The following CASTOR2 variants were observed in gnomAD, a reference collection of about 807,000 sequenced individuals.
The protein encoded by CASTOR2 is GATS protein like 2.
In CASTOR2, 8 loss-of-function variants were observed where a neutral mutation model predicts 31.2. That is an observed-to-expected ratio of 0.26 (90% CI 0.15 to 0.46). The LOEUF (loss-of-function observed/expected upper bound fraction) is 0.46. CASTOR2 is among the 20% of genes least tolerant of loss of function. CASTOR2 has a pLI of 0.99. For missense variants in CASTOR2, 216 were observed against 382.1 expected, an observed-to-expected ratio of 0.57 and a Z score of 3.62; for synonymous variants, 162 against 158.7, an observed-to-expected ratio of 1.02 and a Z score of -0.16.
At chr7:75,021,978 T>A in intron 7 of CASTOR2, 22 bp downstream of exon 7, 1 of 1,551,356 alleles carries the variant, frequency 6.4e-7, no homozygotes, top group Non-Finnish European at 8.7e-7. Flanking sequence ...GGGGATTACA[T>A]GGGGAATTGA....
In CASTOR2 at chr7:75,020,063, G is replaced by C. The variant is rs1030167262; in HGVS notation, c.660G>C (p.Gly220=). ...SNGVKDPMAT[G]DDCGHIRFFS... ...GAGTGAAGGACCCCATGGCCACTGG[G>C]GATGACTGCGGCCACATCCGCTTCT... The change falls in exon 6 of 9, where the codon GGG becomes GGC. Residue 220 remains glycine, a synonymous_variant. Transcript: ENST00000616305. The C allele has an allele frequency of 1.3e-4, 201 of 1,551,442 alleles. No homozygotes were observed. Among genetic ancestry groups the C allele is most frequent in the Middle Eastern group, 5.1e-4 (3 of 5,936 alleles).
chr7:74,989,654 G>A (rs1804158368), intron 1 of CASTOR2, among the ~76,000 whole-genome samples: 1 of 150,092 alleles, frequency 6.7e-6, no homozygotes, highest in South Asian at 2.1e-4. Context: ...GACTTCAAGC[G>A]ATCCTCCCAC....
intron 1 of CASTOR2, among the ~76,000 whole-genome samples, chr7:74,991,817 A>G (rs1804218566): frequency 6.6e-6 from 1 of 152,090 alleles, no homozygotes; most frequent in Admixed American, 6.6e-5. Context: ...GGCTGGACAG[A>G]AACAGCCCAA....
chr7:75,030,156 G>A lies in CASTOR2; in HGVS notation c.*5457G>A, dbSNP rs1805260265. 6.6e-6 allele frequency among the ~76,000 whole-genome samples: 1 copy of A among 152,252 alleles called. No homozygotes were observed. The highest frequency in any genetic ancestry group is 2.1e-4 in the South Asian group (1 of 4,834). On this transcript the variant is annotated 3_prime_UTR_variant, in exon 9 of 9. Transcript: ENST00000616305. Reference sequence around the variant, plus strand: ...GGAAGAGGAGCTATGGAAATTGGAAGTGCAGGGTGGCCTGTGTGCTAGGAG... The same window carrying A: ...GGAAGAGGAGCTATGGAAATTGGAAATGCAGGGTGGCCTGTGTGCTAGGAG...
intron 1 of CASTOR2, among the ~76,000 whole-genome samples, chr7:74,989,263 CT>C (rs34799228): frequency 0.1 from 14,605 of 145,178 alleles, 2,110 homozygotes; most frequent in African/African-American, 0.33. Flanking sequence ...CACGCCTGGC[CT>C]TTTTTTTTTT....
At chr7:74,993,859 A>G (rs1272743749) in intron 1 of CASTOR2, among the ~76,000 whole-genome samples, 2 of 151,678 alleles carry the variant, frequency 1.3e-5, no homozygotes, top group African/African-American at 4.8e-5. Flanking sequence ...GCTGGTTCAT[A>G]AATCAGACAT....
Position 75,024,444 on chromosome 7 carries a change from G to A in CASTOR2, c.834G>A (p.Glu278=). The change falls in exon 8 of 9, where the codon GAG becomes GAA. Residue 278 remains glutamate (E), a synonymous_variant. Coordinates refer to ENST00000616305, the MANE Select transcript of CASTOR2 (RefSeq NM_001145064.3). The stretch of plus-strand genomic sequence containing the variant: ...GGACGGTCTCTCCTGTTCTAGATGA[G>A]TGTGGCATCGTGGCCCAGATCTCAG... The part of the protein sequence containing the change: ...RIGGQPLGFD[E]CGIVAQISEP... 2.6e-6 allele frequency: 4 copies of A among 1,551,544 alleles called. No individual in the cohort carries two copies. The highest frequency in any genetic ancestry group is 2.4e-5 in the East Asian group (1 of 40,924).
rs1803562570 is a variant in CASTOR2 at position 74,965,856 on chromosome 7, A to ACC, written c.113+759_113+760insCC. 1.4e-4 allele frequency among the ~76,000 whole-genome samples: 2 copies of ACC among 14,690 alleles called. 1 individual carries two copies. Among genetic ancestry groups the ACC allele is most frequent in the African/African-American group, 7.5e-4 (2 of 2,654 alleles). The allele number at this position is 14,690 out of a possible 152,430, so 9.6% of individuals were successfully genotyped here. ...TGGAAGGTAAAAGAGGGAATCACAC[A>ACC]CACACACACACACACACACACACAC... On this transcript the variant is annotated intron_variant, in intron 1 of 8. Coordinates refer to ENST00000616305, the MANE Select transcript of CASTOR2 (RefSeq NM_001145064.3).
chr7:75,002,085 T>C (rs1384696359), intron 1 of CASTOR2, among the ~76,000 whole-genome samples: 178 of 152,072 alleles, frequency 1.2e-3, no homozygotes, highest in African/African-American at 4.1e-3. Flanking sequence ...TATTTTATTT[T>C]ATTTTATTTT....
At chr7:74,988,306 T>G (rs1404788667) in intron 1 of CASTOR2, among the ~76,000 whole-genome samples, 1 of 151,694 alleles carries the variant, frequency 6.6e-6, no homozygotes, top group South Asian at 2.1e-4. Flanking sequence ...TTTATTTATT[T>G]ATTTATTTTG....
intron 1 of CASTOR2, 34 bp from the exon 2 acceptor site, chr7:75,007,960 T>C: frequency 6.2e-7 from 1 of 1,613,918 alleles, no homozygotes; most frequent in South Asian, 1.1e-5. Context: ...CTGCCTGGAC[T>C]AATGAGATAT....
At chr7:75,024,176 G>T (rs1183338520) in intron 7 of CASTOR2, among the ~76,000 whole-genome samples, 2 of 152,196 alleles carry the variant, frequency 1.3e-5, no homozygotes, top group Admixed American at 6.5e-5. Flanking sequence ...TATAATCCCA[G>T]CTATTTGGGA....
intron 1 of CASTOR2, among the ~76,000 whole-genome samples, chr7:74,974,238 G>T (rs1803745039): frequency 6.8e-6 from 1 of 146,506 alleles, no homozygotes; most frequent in Non-Finnish European, 1.5e-5. Context: ...AGAGTAAGTT[G>T]TCTGCAGGGA....
intron 1 of CASTOR2, among the ~76,000 whole-genome samples, chr7:74,994,607 G>A (rs1479098450): frequency 5.3e-5 from 8 of 152,180 alleles, no homozygotes; most frequent in Non-Finnish European, 8.8e-5. Flanking sequence ...AAAATTAGCC[G>A]GGCGTGGTGG....
At chr7:75,006,440 G>A (rs1804607612) in intron 1 of CASTOR2, among the ~76,000 whole-genome samples, 2 of 152,248 alleles carry the variant, frequency 1.3e-5, no homozygotes, top group Middle Eastern at 3.4e-3. Flanking sequence ...ATAGATGAGG[G>A]GGCTGCAGGG....
intron 1 of CASTOR2, among the ~76,000 whole-genome samples, chr7:74,994,507 T>G (rs35985656): frequency 0.66 from 100,669 of 151,942 alleles, 35,946 homozygotes; most frequent in East Asian, 0.93. Context: ...TCCCAGCACT[T>G]TGGGGGGCCG....
chr7:75,023,884 G>A (rs1805065583), intron 7 of CASTOR2, among the ~76,000 whole-genome samples: 2 of 152,212 alleles, frequency 1.3e-5, no homozygotes, highest in Non-Finnish European at 2.9e-5. Flanking sequence ...CAATACTTGA[G>A]ATTACAATTG....
intron 2 of CASTOR2, among the ~76,000 whole-genome samples, chr7:75,016,132 T>C (rs1217695435): frequency 2.6e-4 from 39 of 151,944 alleles, no homozygotes; most frequent in Admixed American, 1.4e-3. Flanking sequence ...CCGTGCCCCC[T>C]CCCCACTCAG....
At chr7:74,997,121 G>GCT (rs1804371757) in intron 1 of CASTOR2, among the ~76,000 whole-genome samples, 3 of 151,558 alleles carry the variant, frequency 2.0e-5, no homozygotes, top group African/African-American at 7.3e-5. Flanking sequence ...TGCAATCATA[G>GCT]CTCATCACTG....
Sources: allele counts gnomAD v4.1 joint callset (sites outside exome capture counted in the v4.1 genomes callset), GRCh38; gene constraint gnomAD v4.1.1; transcripts MANE v1.5; gene names NCBI Gene and HGNC (gene_info 2026-07-23, HGNC 2026-07-21).